Variants in ARPP19 observed in about 807,000 individuals in gnomAD.
The protein encoded by ARPP19 is cAMP regulated phosphoprotein 19.
ARPP19 carries 8 observed loss-of-function variants against 12.0 expected under a neutral mutation model. That is an observed-to-expected ratio of 0.67 (90% CI 0.39 to 1.21). The LOEUF is 1.21. Ranked by LOEUF, ARPP19 falls within the 50% of genes most tolerant of loss-of-function variation. The pLI is 0.01. For missense variants in ARPP19, 102 were observed against 136.3 expected, an observed-to-expected ratio of 0.75 and a Z score of 1.25; for synonymous variants, 47 against 50.4, an observed-to-expected ratio of 0.93 and a Z score of 0.29.
chr15:52,562,817 T>C (rs1335643337), intron 1 of ARPP19, among the ~76,000 whole-genome samples: 2 of 149,256 alleles, frequency 1.3e-5, no homozygotes, highest in African/African-American at 2.5e-5. Context: ...ATGAAAAAGA[T>C]ACAATAGAAA....
At chr15:52,553,717 A>G (rs1470889802) in intron 2 of ARPP19, among the ~76,000 whole-genome samples, 1 of 152,232 alleles carries the variant, frequency 6.6e-6, no homozygotes. Context: ...AAAACAGATA[A>G]TATTTATGGA....
intron 1 of ARPP19, among the ~76,000 whole-genome samples, chr15:52,558,482 A>AAAAAAAAAAAAAAG (rs559673591): frequency 2.0e-5 from 3 of 148,960 alleles, no homozygotes; most frequent in Admixed American, 6.7e-5. Flanking sequence ...AAAAAAAAAA[A>AAAAAAAAAAAAAAG]AAAGAAAGAA....
intron 1 of ARPP19, among the ~76,000 whole-genome samples, chr15:52,563,902 C>T (rs951718044): frequency 6.6e-6 from 1 of 152,212 alleles, no homozygotes; most frequent in Non-Finnish European, 1.5e-5. Flanking sequence ...TCTTTGTTTG[C>T]CTAGTGCCTA....
At chr15:52,552,149 A>G (rs1195282060) in intron 2 of ARPP19, 45 bp from the exon 3 acceptor site, 1 of 1,236,108 alleles carries the variant, frequency 8.1e-7, no homozygotes, top group African/African-American at 1.5e-5. Flanking sequence ...CTTAGCAATT[A>G]CTGATTTAAG....
rs2141719110 is a variant in ARPP19, at chr15:52,551,652, GTTAC to G, written c.*278_*281del. On this transcript the variant is annotated 3_prime_UTR_variant, in exon 3 of 3. Coordinates refer to ENST00000249822, the MANE Select transcript of ARPP19 (RefSeq NM_006628.6). ...AACATTAAAATTTTAAAACTTGCTTGTTACTTGTTAGAACCAGTACTACACTAGA... is the reference window on the plus strand; with the variant it reads ...AACATTAAAATTTTAAAACTTGCTTGTTGTTAGAACCAGTACTACACTAGA... The G allele has an allele frequency of 7.4e-6, 2 of 270,554 alleles. No homozygotes were observed. The highest frequency in any genetic ancestry group is 1.4e-4 in the East Asian group (2 of 13,926). 16.8% of individuals were successfully genotyped at this position (270,554 alleles called of 1,614,324 possible). A position where few individuals can be genotyped will look rare whatever the true frequency, so the allele number is the denominator to read the frequency against.
rs2077916551 is a variant in ARPP19, at chr15:52,550,253, G to C, written c.*1681C>G. ...AGTAAAGTCTGCTAAGTTCTAACTA[G>C]ATAAGCCACAAGTAAAACTAAATTG... On this transcript the variant is annotated 3_prime_UTR_variant, in exon 3 of 3. Transcript: ENST00000249822. 6.6e-6 allele frequency: 1 copy of C among 152,192 alleles called. No individual in the cohort carries two copies. The highest frequency in any genetic ancestry group is 6.5e-5 in the Admixed American group (1 of 15,276). The allele number at this position is 152,192 out of a possible 1,614,324, so 9.4% of individuals were successfully genotyped here. A position where few individuals can be genotyped will look rare whatever the true frequency, so the allele number is the denominator to read the frequency against.
intron 1 of ARPP19, chr15:52,564,334 C>T (rs1354170544): frequency 5.3e-6 from 5 of 946,992 alleles, no homozygotes; most frequent in South Asian, 1.4e-5. Context: ...GCTAGGTGAA[C>T]CCAGGAGTTC....
chr15:52,554,945 CA>C (rs1348618606), intron 2 of ARPP19, among the ~76,000 whole-genome samples: 2 of 152,110 alleles, frequency 1.3e-5, no homozygotes, highest in African/African-American at 4.8e-5. Context: ...AATATCTAAT[CA>C]AACCTTCTCA....
chr15:52,549,015 A>G lies in ARPP19; in HGVS notation c.*2919T>C, dbSNP rs570347433. 1 of 152,578 alleles carries G rather than the reference A, an allele frequency of 6.6e-6. No homozygotes were observed. The highest frequency in any genetic ancestry group is 2.4e-5 in the African/African-American group (1 of 41,566). The allele number at this position is 152,578 out of a possible 1,614,324, so 9.5% of individuals were successfully genotyped here. A position where few individuals can be genotyped will look rare whatever the true frequency, so the allele number is the denominator to read the frequency against. ...ACAAACATGCCGCTTCCACTCATCG[A>G]AACAAGCCAATAATCCTTACTATTC... On this transcript the variant is annotated 3_prime_UTR_variant, in exon 3 of 3. Transcript: ENST00000249822.
At position 52,563,697 on chromosome 15, in the gene ARPP19, G is replaced by A. The variant is rs551614453; in HGVS notation, c.45+5151C>T. On this transcript the variant is annotated intron_variant, in intron 1 of 2. Transcript: ENST00000249822. ...GCCTTCGGCAGAGGAGGGTTATACA[G>A]CAACGTCAGCAATAAAAATCTGACC... Among the ~76,000 whole-genome samples, 26 of 152,278 alleles carry A rather than the reference G, an allele frequency of 1.7e-4. No individual in the cohort carries two copies. In the South Asian group the frequency reaches 5.2e-3, roughly 30 times the overall value.
In ARPP19 at chr15:52,551,972, G is replaced by A. The variant is rs1221687815; in HGVS notation, c.301C>T (p.Arg101Trp). The change falls in exon 3 of 3, where the codon CGG becomes TGG. Residue 101 changes from arginine (R) to tryptophan (W), a missense_variant. By Grantham distance (101) the Arg-to-Trp change is moderately radical. Transcript: ENST00000249822. ...TTGCTAGCAACAAGGGACGGCTTCC[G>A]TTGAGGAAGGTCTTGCGGAGTGGGA... ...HIPTPQDLPQRKPSLVASKLA... is the reference protein window; with the variant it reads ...HIPTPQDLPQWKPSLVASKLA... The A allele has an allele frequency of 2.5e-6, 4 of 1,613,588 alleles. No homozygotes were observed. Among genetic ancestry groups the A allele is most frequent in the Admixed American group, 1.7e-5 (1 of 59,996 alleles).
chr15:52,558,482 A>AAAAAAAAAAAAAAAAAAAAG (rs559673591), intron 1 of ARPP19, among the ~76,000 whole-genome samples: 6 of 149,084 alleles, frequency 4.0e-5, no homozygotes, highest in African/African-American at 7.4e-5. Flanking sequence ...AAAAAAAAAA[A>AAAAAAAAAAAAAAAAAAAAG]AAAGAAAGAA....
chr15:52,565,345 T>C (rs1219384967), intron 1 of ARPP19, among the ~76,000 whole-genome samples: 1 of 152,224 alleles, frequency 6.6e-6, no homozygotes, highest in Non-Finnish European at 1.5e-5. Context: ...GTTTTAAGTT[T>C]CCACTTGCCT....
chr15:52,553,657 G>A (rs2077955896), intron 2 of ARPP19, among the ~76,000 whole-genome samples: 1 of 152,218 alleles, frequency 6.6e-6, no homozygotes, highest in Non-Finnish European at 1.5e-5. Context: ...GTTGGCAAAG[G>A]AAATAATCCA....
At chr15:52,561,927 G>A (rs1463846301) in intron 1 of ARPP19, among the ~76,000 whole-genome samples, 1 of 147,664 alleles carries the variant, frequency 6.8e-6, no homozygotes, top group Non-Finnish European at 1.5e-5. Flanking sequence ...CTAGTGCAGT[G>A]CACCTACTTT....
At chr15:52,553,787 A>G (rs2077957204) in intron 2 of ARPP19, among the ~76,000 whole-genome samples, 1 of 152,252 alleles carries the variant, frequency 6.6e-6, no homozygotes, top group Admixed American at 6.5e-5. Context: ...CTAGGAACTC[A>G]CAGCTTAGTA....
intron 1 of ARPP19, chr15:52,564,368 T>C (rs765971886): frequency 4.3e-5 from 30 of 696,654 alleles, no homozygotes; most frequent in Admixed American, 6.7e-5. Flanking sequence ...GCTATCATTG[T>C]GCCATTGCAC....
In ARPP19 at chr15:52,547,966, T is replaced by C. The variant is rs1378252096; in HGVS notation, c.*3968A>G. The C allele has an allele frequency of 2.0e-5, 3 of 152,068 alleles. No individual in the cohort carries two copies. Among genetic ancestry groups the C allele is most frequent in the Non-Finnish European group, 2.9e-5 (2 of 68,010 alleles). The allele number at this position is 152,068 out of a possible 1,614,324, so 9.4% of individuals were successfully genotyped here. A position where few individuals can be genotyped will look rare whatever the true frequency, so the allele number is the denominator to read the frequency against. On this transcript the variant is annotated 3_prime_UTR_variant, in exon 3 of 3. Transcript: ENST00000249822. ...AAGAGAAAATGGAAAGTGGAAAATA[T>C]GTTTGAACATTGGAGAATGTGAAAA... is the stretch of plus-strand genomic sequence containing the variant.
chr15:52,563,582 G>A (rs530399461), intron 1 of ARPP19, among the ~76,000 whole-genome samples: 317 of 152,238 alleles, frequency 2.1e-3, no homozygotes, highest in African/African-American at 7.3e-3. Context: ...ATATATACAC[G>A]TAAAAAGGAC....
Sources: gnomAD v4.1 joint callset for allele counts (sites outside exome capture counted in the v4.1 genomes callset) on GRCh38, gnomAD v4.1.1 for gene constraint, MANE v1.5 for transcripts, NCBI Gene and HGNC (gene_info 2026-07-23, HGNC 2026-07-21) for gene names.